CASC3: variants seen among roughly 807,000 people sequenced by gnomAD.
The protein encoded by CASC3 is protein CASC3.
In CASC3, 30 loss-of-function variants were observed where a neutral mutation model predicts 80.5. The observed-to-expected ratio is 0.37, with a 90% CI of 0.28 to 0.51. The LOEUF (loss-of-function observed/expected upper bound fraction) is 0.51, where lower values mean the gene tolerates loss of function less well. Ranked by LOEUF, CASC3 falls within the 20% of genes least tolerant of loss-of-function variation. The pLI, the probability that CASC3 is intolerant of heterozygous loss-of-function variation, is 0.94. For synonymous variants in CASC3, 312 were observed against 333.6 expected (o/e 0.94, Z 0.70); for missense variants, 824 against 922.2 (o/e 0.89, Z 1.38).
intron 3 of CASC3, among the ~76,000 whole-genome samples, chr17:40,160,813 C>A (rs1327608231): frequency 6.6e-6 from 1 of 151,730 alleles, no homozygotes; most frequent in Non-Finnish European, 1.5e-5. Flanking sequence ...TCAAGTGATA[C>A]GCCTGCCTCG....
intron 3 of CASC3, among the ~76,000 whole-genome samples, chr17:40,152,620 G>A (rs1049132406): frequency 1.3e-5 from 2 of 150,382 alleles, no homozygotes; most frequent in Non-Finnish European, 3.0e-5. Context: ...ATGCCCAGCC[G>A]CCCAGCTAAT....
intron 13 of CASC3, 122 bp downstream of exon 13, chr17:40,169,784 C>T (rs912920537): frequency 7.9e-5 from 40 of 508,598 alleles, no homozygotes; most frequent in South Asian, 7.6e-5. Flanking sequence ...GAGACGGCGT[C>T]TCAGTCTGTT....
chr17:40,141,068 CTTGATAAAGATTT>C (rs1988702288), intron 1 of CASC3, 126 bp from the exon 2 acceptor site: 4 of 818,300 alleles, frequency 4.9e-6, no homozygotes, highest in Non-Finnish European at 8.3e-6. Context: ...TTGGCTACTA[CTTGATAAAGATTT>C]ACCTATCTCT....
At chr17:40,149,135 C>G (rs999980628) in intron 3 of CASC3, among the ~76,000 whole-genome samples, 13 of 152,008 alleles carry the variant, frequency 8.6e-5, no homozygotes, top group African/African-American at 2.9e-4. Context: ...CTCGGCTTCC[C>G]AAAGTGTTGG....
intron 3 of CASC3, among the ~76,000 whole-genome samples, chr17:40,151,712 AAAGG>A (rs1280250416): frequency 1.4e-4 from 21 of 151,612 alleles, no homozygotes; most frequent in African/African-American, 4.8e-4. Context: ...AAAAAAAAAA[AAAGG>A]AAGGAAGAAA....
At chr17:40,159,540 G>T (rs1002595605) in intron 3 of CASC3, among the ~76,000 whole-genome samples, 1 of 137,408 alleles carries the variant, frequency 7.3e-6, no homozygotes, top group Non-Finnish European at 1.5e-5. Context: ...TCAGTTCATT[G>T]TGTGTTTTTT....
At chr17:40,145,319 G>A (rs1038573350) in intron 3 of CASC3, among the ~76,000 whole-genome samples, 1 of 151,812 alleles carries the variant, frequency 6.6e-6, no homozygotes, top group African/African-American at 2.4e-5. Flanking sequence ...GACTACAGGT[G>A]TGCACCACCA....
chr17:40,157,004 C>G (rs1311269767), intron 3 of CASC3, among the ~76,000 whole-genome samples: 1 of 151,884 alleles, frequency 6.6e-6, no homozygotes, highest in Non-Finnish European at 1.5e-5. Flanking sequence ...GATCACACCA[C>G]TACACTCTAC....
chr17:40,147,707 C>T (rs1988895331), intron 3 of CASC3, among the ~76,000 whole-genome samples: 1 of 152,072 alleles, frequency 6.6e-6, no homozygotes. Context: ...ATGGTGTTAA[C>T]TGTTAAGGAA....
At chr17:40,148,643 A>G (rs754051856) in intron 3 of CASC3, among the ~76,000 whole-genome samples, 1 of 152,070 alleles carries the variant, frequency 6.6e-6, no homozygotes, top group Non-Finnish European at 1.5e-5. Flanking sequence ...TACAGGCATG[A>G]GCCACCGTGT....
intron 3 of CASC3, among the ~76,000 whole-genome samples, chr17:40,153,416 T>G (rs1989060856): frequency 6.6e-6 from 1 of 152,186 alleles, no homozygotes; most frequent in Non-Finnish European, 1.5e-5. Flanking sequence ...TTCCATAGCT[T>G]ATTTCCATCT....
chr17:40,165,549 A>G (rs1989427058), intron 7 of CASC3, among the ~76,000 whole-genome samples: 1 of 152,126 alleles, frequency 6.6e-6, no homozygotes, highest in Non-Finnish European at 1.5e-5. Context: ...GTAGAAGAAG[A>G]CAACGTTATT....
chr17:40,168,480 T>C, intron 11 of CASC3, 63 bp downstream of exon 11: 1 of 1,429,620 alleles, frequency 7.0e-7, no homozygotes, highest in South Asian at 1.2e-5. Context: ...AGGAATGTGG[T>C]ATGGGGAGAA....
Position 40,159,362 on chromosome 17 carries a change from T to C in CASC3, c.298-2391T>C, listed in dbSNP as rs551670970. Among the ~76,000 whole-genome samples, 133 of 152,304 alleles carry C rather than the reference T, an allele frequency of 8.7e-4. 1 individual carries two copies. Among genetic ancestry groups the C allele is most frequent in the African/African-American group, 2.1e-3 (86 of 41,558 alleles). ...AATAAAATGTAAACTTAAAGTGTTA[T>C]TGAATGTATAACAGTTTGTTGTTTT... On this transcript the variant is annotated intron_variant, in intron 3 of 13. Transcript: ENST00000264645.
chr17:40,143,754 C>T lies in CASC3; in HGVS notation c.297+2147C>T, dbSNP rs1043358648. 1.4e-4 allele frequency among the ~76,000 whole-genome samples: 21 copies of T among 151,510 alleles called. 1 individual carries two copies. The highest frequency in any genetic ancestry group is 2.1e-4 in the South Asian group (1 of 4,796). ...CTGAGGCAGGAGAATCGCTTGAATC[C>T]GGGAGGCAGAGGTTGCAGTGAGCCG... On this transcript the variant is annotated intron_variant, in intron 3 of 13. Coordinates refer to ENST00000264645, the MANE Select transcript of CASC3 (RefSeq NM_007359.5).
At chr17:40,161,656 G>A in intron 3 of CASC3, 97 bp from the exon 4 acceptor site, 4 of 1,054,546 alleles carry the variant, frequency 3.8e-6, no homozygotes, top group Non-Finnish European at 5.7e-6. Flanking sequence ...TCCAGCCTGG[G>A]TGACAGAGAC....
chr17:40,169,451 G>C lies in CASC3; in HGVS notation c.2088+5G>C. ...ATCAAGCCCCCTCCACCTGAGGTATGAGAGTTCCTTCCTATACTTAATGCA... is the reference window on the plus strand; with the variant it reads ...ATCAAGCCCCCTCCACCTGAGGTATCAGAGTTCCTTCCTATACTTAATGCA... On this transcript the variant is annotated splice_donor_5th_base_variant and intron_variant, in intron 12 of 13. Transcript: ENST00000264645. 6.2e-7 allele frequency: 1 copy of C among 1,605,734 alleles called. No individual in the cohort carries two copies. The highest frequency in any genetic ancestry group is 8.5e-7 in the Non-Finnish European group (1 of 1,176,526).
intron 11 of CASC3, 117 bp from the exon 12 acceptor site, chr17:40,169,207 A>G: frequency 9.3e-7 from 1 of 1,076,830 alleles, no homozygotes; most frequent in Non-Finnish European, 1.3e-6. Context: ...GGCAGATTAG[A>G]TATTTTTAAA....
At chr17:40,162,290 A>C in intron 5 of CASC3, 137 bp downstream of exon 5, 1 of 968,002 alleles carries the variant, frequency 1.0e-6, no homozygotes, top group South Asian at 1.8e-5. Context: ...CAAATGAGGA[A>C]AGTAGGCTTA....
Sources: allele counts gnomAD v4.1 joint callset (sites outside exome capture counted in the v4.1 genomes callset), GRCh38; gene constraint gnomAD v4.1.1; transcripts MANE v1.5; gene names NCBI Gene and HGNC (gene_info 2026-07-23, HGNC 2026-07-21).